The following SPRR4 variants were observed in gnomAD, a reference collection of about 807,000 sequenced individuals.
SPRR4 encodes small proline-rich protein 4.
For missense variants in SPRR4, 106 were observed against 91.6 expected, an observed-to-expected ratio of 1.16 and a Z score of -0.64; for synonymous variants, 30 against 34.3, an observed-to-expected ratio of 0.87 and a Z score of 0.44.
intron 1 of SPRR4, among the ~76,000 whole-genome samples, chr1:152,971,570 C>T (rs1651844150): frequency 7.4e-6 from 1 of 136,008 alleles, no homozygotes. Flanking sequence ...CTTCTCCAGC[C>T]CGATCTCTCA....
At position 152,970,694 on chromosome 1, in the gene SPRR4, GGTAA is replaced by G. The variant is rs1205753821; in HGVS notation, c.-21+3_-21+6del. ...TCCTGGGGTCCAGCTTGTCGCCTCT[GGTAA>G]GTGAGAACTCATCTGTTCTCCTGGG... On this transcript the variant is annotated splice_donor_variant and splice_donor_region_variant and intron_variant, in intron 1 of 1. Transcript: ENST00000328051. LOFTEE classifies it low-confidence loss of function (5UTR_SPLICE). 1 of 152,306 alleles carries G rather than the reference GGTAA, an allele frequency of 6.6e-6. No homozygotes were observed. 9.4% of individuals were successfully genotyped at this position (152,306 alleles called of 1,614,324 possible).
rs1254825307 is a variant in SPRR4 at position 152,971,915 on chromosome 1, C to G, written c.25C>G (p.Gln9Glu). MSSQQQQRQQQQCPPQRAQ... is the reference protein window; with the variant it reads MSSQQQQREQQQCPPQRAQ... Reference sequence around the variant, plus strand: ...AATGTCTTCCCAGCAGCAGCAGCGGCAGCAGCAGCAGTGCCCACCCCAGAG... The same window carrying G: ...AATGTCTTCCCAGCAGCAGCAGCGGGAGCAGCAGCAGTGCCCACCCCAGAG... The change falls in exon 2 of 2, where the codon CAG becomes GAG. Residue 9 changes from glutamine (Q) to glutamate (E), a missense_variant. By Grantham distance (29) the Gln-to-Glu change is conservative (BLOSUM62 2). Coordinates refer to ENST00000328051, the MANE Select transcript of SPRR4 (RefSeq NM_173080.3). 6.2e-6 allele frequency: 10 copies of G among 1,613,714 alleles called. No individual in the cohort carries two copies. In the African/African-American group the frequency reaches 1.2e-4, roughly 19 times the overall value.
In SPRR4 at chr1:152,972,279, T is replaced by C; in HGVS notation, c.*149T>C. On this transcript the variant is annotated 3_prime_UTR_variant, in exon 2 of 2. Coordinates refer to ENST00000328051, the MANE Select transcript of SPRR4 (RefSeq NM_173080.3). ...TGTAAGGAAGCATTGTAAGGATTTCTTCCCATCGTACCCTTCCCCACACAT... is the reference window on the plus strand; with the variant it reads ...TGTAAGGAAGCATTGTAAGGATTTCCTCCCATCGTACCCTTCCCCACACAT... 3 of 1,313,760 alleles carry C rather than the reference T, an allele frequency of 2.3e-6. No individual in the cohort carries two copies. The highest frequency in any genetic ancestry group is 3.1e-6 in the Non-Finnish European group (3 of 960,980). 81.4% of individuals were successfully genotyped at this position (1,313,760 alleles called of 1,614,324 possible).
upstream of SPRR4, among the ~76,000 whole-genome samples, chr1:152,970,088 T>A (rs956333190): frequency 3.3e-5 from 5 of 152,322 alleles, no homozygotes; most frequent in East Asian, 9.6e-4. Flanking sequence ...ATCATCCAGA[T>A]CTGAATTCAA....
At chr1:152,969,952 C>G (rs542107993), upstream of SPRR4, among the ~76,000 whole-genome samples, 61 of 152,312 alleles carry the variant, frequency 4.0e-4, no homozygotes, top group Admixed American at 1.8e-3. Context: ...CCATTCACAT[C>G]ATCTTCTACC....
At chr1:152,968,796 T>G (rs1183290133), upstream of SPRR4, among the ~76,000 whole-genome samples, 1 of 152,226 alleles carries the variant, frequency 6.6e-6, no homozygotes. Context: ...CATGGGTGAC[T>G]GGGACATGAG....
rs2101550906 is a variant in SPRR4 at position 152,972,052 on chromosome 1, C to T, written c.162C>T (p.Cys54=). The T allele has an allele frequency of 5.0e-6, 8 of 1,614,036 alleles. No homozygotes were observed. The East Asian group carries it at 6.7e-5, about 13-fold the overall frequency. The change falls in exon 2 of 2, where the codon TGC becomes TGT. Residue 54 remains cysteine (C), a synonymous_variant. Coordinates refer to ENST00000328051, the MANE Select transcript of SPRR4 (RefSeq NM_173080.3). The stretch of plus-strand genomic sequence containing the variant: ...GTGCTCCCCAGGTCAAGAAGCAATG[C>T]CCACCGAAAGGCACCATCATTCCAG... ...DPCAPQVKKQ[C]PPKGTIIPAQ... is the part of the protein sequence containing the mutation.
In SPRR4 at chr1:152,971,789, T is replaced by C. The variant is rs1041969758; in HGVS notation, c.-20-82T>C. The C allele has an allele frequency of 2.0e-6, 3 of 1,531,064 alleles. No individual in the cohort carries two copies. In the African/African-American group the frequency reaches 4.2e-5, roughly 21 times the overall value. The allele number at this position is 1,531,064 out of a possible 1,614,324, so 94.8% of individuals were successfully genotyped here. The stretch of plus-strand genomic sequence containing the variant: ...GACCTTGTAAAATGTCTGGGCTACT[T>C]TTTAACCATCTTTTTAAAAAGGGTG... On this transcript the variant is annotated intron_variant, in intron 1 of 1. Transcript: ENST00000328051.
upstream of SPRR4, among the ~76,000 whole-genome samples, chr1:152,970,362 T>C (rs948745931): frequency 6.6e-6 from 1 of 152,260 alleles, no homozygotes; most frequent in African/African-American, 2.4e-5. Context: ...TAACTGTCTG[T>C]CTGCAAACAG....
At chr1:152,971,578 T>TCACACACACACA (rs57593504) in intron 1 of SPRR4, among the ~76,000 whole-genome samples, 1 of 144,146 alleles carries the variant, frequency 6.9e-6, no homozygotes, top group African/African-American at 2.6e-5. Context: ...GCCCGATCTC[T>TCACACACACACA]CACACACACA....
At chr1:152,971,332 G>A (rs935115006) in intron 1 of SPRR4, among the ~76,000 whole-genome samples, 8 of 152,084 alleles carry the variant, frequency 5.3e-5, no homozygotes, top group African/African-American at 1.9e-4. Flanking sequence ...TGGCAGGATG[G>A]ACCTAGAACC....
chr1:152,972,109 C>T lies in SPRR4; in HGVS notation c.219C>T (p.Ala73=), dbSNP rs1374856668. The change falls in exon 2 of 2, where the codon GCC becomes GCT. Residue 73 remains alanine, a synonymous_variant. Coordinates refer to ENST00000328051, the MANE Select transcript of SPRR4 (RefSeq NM_173080.3). ...AGAAGTGTCCCTCAGCCCAGCAAGCCTCCAAGAGCAAACAGAAGTAAGGAT... is the reference window on the plus strand; with the variant it reads ...AGAAGTGTCCCTCAGCCCAGCAAGCTTCCAAGAGCAAACAGAAGTAAGGAT... ...AQQKCPSAQQ[A]SKSKQK The T allele has an allele frequency of 3.7e-6, 6 of 1,614,074 alleles. No homozygotes were observed. The highest frequency in any genetic ancestry group is 1.1e-5 in the South Asian group (1 of 91,038).
chr1:152,971,762 T>C (rs1343982209), intron 1 of SPRR4, 109 bp from the exon 2 acceptor site: 1 of 1,415,954 alleles, frequency 7.1e-7, no homozygotes, highest in African/African-American at 1.4e-5. Context: ...ATGGCATGCT[T>C]TGACCTTGTA....
At position 152,972,268 on chromosome 1, in the gene SPRR4, G is replaced by T. The variant is rs1651873712; in HGVS notation, c.*138G>T. On this transcript the variant is annotated 3_prime_UTR_variant, in exon 2 of 2. Transcript: ENST00000328051. ...CCTGCCCAAGATGTAAGGAAGCATTGTAAGGATTTCTTCCCATCGTACCCT... is the reference window on the plus strand; with the variant it reads ...CCTGCCCAAGATGTAAGGAAGCATTTTAAGGATTTCTTCCCATCGTACCCT... The T allele has an allele frequency of 7.2e-7, 1 of 1,381,310 alleles. No homozygotes were observed. Among genetic ancestry groups the T allele is most frequent in the African/African-American group, 1.5e-5 (1 of 68,394 alleles). 85.6% of individuals were successfully genotyped at this position (1,381,310 alleles called of 1,614,324 possible).
At chr1:152,970,480 A>T (rs1651808242), upstream of SPRR4, among the ~76,000 whole-genome samples, 1 of 152,212 alleles carries the variant, frequency 6.6e-6, no homozygotes, top group African/African-American at 2.4e-5. Context: ...TGCTGAAAAT[A>T]TATGGTGGGT....
Sources: allele counts gnomAD v4.1 joint callset (sites outside exome capture counted in the v4.1 genomes callset), GRCh38; gene constraint gnomAD v4.1.1; transcripts MANE v1.5; gene names NCBI Gene and HGNC (gene_info 2026-07-23, HGNC 2026-07-21).